TMEM108: variants seen among roughly 807,000 people sequenced by gnomAD.
TMEM108 encodes the protein cancer/testis antigen 124.
Under a neutral mutation model 35.1 loss-of-function variants are expected in TMEM108, and 12 were observed. That is an observed-to-expected ratio of 0.34 (90% CI 0.22 to 0.55). The LOEUF (loss-of-function observed/expected upper bound fraction) is 0.55. Ranked by LOEUF, TMEM108 falls within the 20% of genes least tolerant of loss-of-function variation. TMEM108 has a pLI of 0.89. For missense variants in TMEM108, 680 were observed against 753.3 expected, an observed-to-expected ratio of 0.90 and a Z score of 1.14; for synonymous variants, 287 against 308.6, an observed-to-expected ratio of 0.93 and a Z score of 0.73.
chr3:133,393,931 G>A (rs998026646), intron 5 of TMEM108, among the ~76,000 whole-genome samples: 6 of 152,234 alleles, frequency 3.9e-5, no homozygotes, highest in African/African-American at 1.4e-4. Flanking sequence ...CCAGCCAGTC[G>A]TGATCTTCAG....
chr3:133,324,907 C>T (rs563082259), intron 3 of TMEM108, among the ~76,000 whole-genome samples: 4 of 152,188 alleles, frequency 2.6e-5, no homozygotes, highest in African/African-American at 7.2e-5. Flanking sequence ...ACCTGGGAGA[C>T]GGAGGTTACA....
intron 3 of TMEM108, among the ~76,000 whole-genome samples, chr3:133,373,836 A>G (rs982049693): frequency 1.2e-4 from 19 of 152,232 alleles, no homozygotes; most frequent in African/African-American, 4.6e-4. Flanking sequence ...TAAAGCAGTA[A>G]CAATCATTTA....
chr3:133,379,901 G>A lies in TMEM108; in HGVS notation c.190G>A (p.Val64Met). 1 of 1,613,898 alleles carries A rather than the reference G, an allele frequency of 6.2e-7. No homozygotes were observed. Among genetic ancestry groups the A allele is most frequent in the Non-Finnish European group, 8.5e-7 (1 of 1,179,948 alleles). Residue 64 changes from valine to methionine, a missense_variant, in exon 4 of 6, where the codon GTG (valine) becomes ATG (methionine). Physicochemically the swap from Val to Met is conservative, Grantham distance 21 (BLOSUM62 1). Coordinates refer to ENST00000321871, the MANE Select transcript of TMEM108 (RefSeq NM_023943.4). ...CAGCTCTACCAGACATACTTCTGTG[G>A]TGATGCTGACCCCCAATCCCGATGG... ...PHSSTRHTSV[V>M]MLTPNPDGPP...
chr3:133,394,070 G>T (rs1164342427), intron 5 of TMEM108, among the ~76,000 whole-genome samples: 1 of 152,180 alleles, frequency 6.6e-6, no homozygotes, highest in African/African-American at 2.4e-5. Context: ...ATTACAATTT[G>T]TTCCAATTCT....
At chr3:133,356,844 A>C (rs2072187923) in intron 3 of TMEM108, among the ~76,000 whole-genome samples, 1 of 152,210 alleles carries the variant, frequency 6.6e-6, no homozygotes, top group African/African-American at 2.4e-5. Context: ...CTTAAATCTA[A>C]GACATGAAAC....
At chr3:133,389,182 C>T in intron 4 of TMEM108, 1 of 985,646 alleles carries the variant, frequency 1.0e-6, no homozygotes, top group Non-Finnish European at 1.2e-6. Flanking sequence ...CCTCAGAAGC[C>T]TTCCCTGCTC....
rs59305794 is a variant in TMEM108, at chr3:133,107,455, GGTGTGTGTGTGTGTGTGT to G, written c.-47+61460_-47+61477del. Among the ~76,000 whole-genome samples the G allele has an allele frequency of 4.9e-5, 7 of 143,502 alleles. No individual in the cohort carries two copies. The East Asian group carries it at 6.2e-4, about 13-fold the overall frequency. The allele number at this position is 143,502 out of a possible 152,430, so 94.1% of individuals were successfully genotyped here. On this transcript the variant is annotated intron_variant, in intron 2 of 5. Transcript: ENST00000321871. ...GTTACCACCAGGATGAAGTGTATGT[GGTGTGTGTGTGTGTGTGT>G]GTGTGTGTGTGTGTGTGTGTGTGTA... is the stretch of plus-strand genomic sequence containing the variant.
chr3:133,174,147 C>CTGAAGCTTGA (rs755023644), intron 2 of TMEM108, among the ~76,000 whole-genome samples: 1 of 152,236 alleles, frequency 6.6e-6, no homozygotes, highest in Non-Finnish European at 1.5e-5. Flanking sequence ...CCTGCCATTG[C>CTGAAGCTTGA]TGAAGCTTGA....
chr3:133,291,579 A>G (rs141327462), intron 3 of TMEM108, among the ~76,000 whole-genome samples: 3 of 138,378 alleles, frequency 2.2e-5, no homozygotes, highest in African/African-American at 7.4e-5. Context: ...CACCAGGCCT[A>G]CCAGTGAGTT....
intron 3 of TMEM108, among the ~76,000 whole-genome samples, chr3:133,348,498 C>T (rs748590382): frequency 9.2e-5 from 14 of 152,042 alleles, no homozygotes; most frequent in Non-Finnish European, 2.1e-4. Flanking sequence ...TAGAGTGAAG[C>T]GGAGTGGAGG....
chr3:133,369,533 A>C (rs2072596759), intron 3 of TMEM108, among the ~76,000 whole-genome samples: 1 of 152,216 alleles, frequency 6.6e-6, no homozygotes, highest in Non-Finnish European at 1.5e-5. Flanking sequence ...TGGAATTTGA[A>C]CAGGTTAAAA....
intron 2 of TMEM108, among the ~76,000 whole-genome samples, chr3:133,087,377 A>C (rs4854689): frequency 7.2e-5 from 11 of 152,128 alleles, no homozygotes; most frequent in Non-Finnish European, 1.5e-4. Flanking sequence ...CCCAGGCTTC[A>C]TGCCTTATAA....
intron 5 of TMEM108, among the ~76,000 whole-genome samples, 153 bp from the exon 6 acceptor site, chr3:133,395,711 G>C (rs1283353336): frequency 6.6e-6 from 1 of 151,934 alleles, no homozygotes; most frequent in African/African-American, 2.4e-5. Flanking sequence ...TGGCATAGAG[G>C]GCTGTGCACC....
rs1944232207 is a variant in TMEM108, at chr3:133,112,078, A to G, written c.-47+66058A>G. Among the ~76,000 whole-genome samples, 2 of 152,148 alleles carry G rather than the reference A, an allele frequency of 1.3e-5. 1 individual carries two copies. The highest frequency in any genetic ancestry group is 4.1e-4 in the South Asian group (2 of 4,828). ...GACAGTTTTTTTTTCTTTCCTAAAG[A>G]AAACAGTTCTTTTTCCATTGCGGGG... On this transcript the variant is annotated intron_variant, in intron 2 of 5. Coordinates refer to ENST00000321871, the MANE Select transcript of TMEM108 (RefSeq NM_023943.4).
intron 2 of TMEM108, among the ~76,000 whole-genome samples, chr3:133,194,890 TAC>T (rs1466912872): frequency 1.3e-5 from 2 of 152,190 alleles, no homozygotes; most frequent in South Asian, 2.1e-4. Flanking sequence ...CATAGTGAGA[TAC>T]AGTGTCTGCC....
chr3:133,048,781 T>C (rs1248664460), intron 2 of TMEM108, among the ~76,000 whole-genome samples: 1 of 152,228 alleles, frequency 6.6e-6, no homozygotes, highest in Non-Finnish European at 1.5e-5. Flanking sequence ...TAAGAATGTT[T>C]AAGAAGGATT....
intron 5 of TMEM108, among the ~76,000 whole-genome samples, chr3:133,391,025 T>C (rs554359988): frequency 6.6e-6 from 1 of 152,226 alleles, no homozygotes; most frequent in Non-Finnish European, 1.5e-5. Context: ...GAGGGTGGCG[T>C]AGAGGCCAGA....
In TMEM108 at chr3:133,097,064, ATGT is replaced by A. The variant is rs536456036; in HGVS notation, c.-47+51049_-47+51051del. ...ATGGTTAGATTGGCCATTCCAAATAATGTTGTTAAGTTCTGTAGAGGCCATGAC... is the reference window on the plus strand; with the variant it reads ...ATGGTTAGATTGGCCATTCCAAATAATGTTAAGTTCTGTAGAGGCCATGAC... On this transcript the variant is annotated intron_variant, in intron 2 of 5. Coordinates refer to ENST00000321871, the MANE Select transcript of TMEM108 (RefSeq NM_023943.4). Among the ~76,000 whole-genome samples the A allele has an allele frequency of 1.5e-4, 23 of 152,316 alleles. No individual in the cohort carries two copies. In the South Asian group the frequency reaches 4.8e-3, roughly 32 times the overall value.
At chr3:133,168,840 C>T (rs1945084534) in intron 2 of TMEM108, among the ~76,000 whole-genome samples, 2 of 152,150 alleles carry the variant, frequency 1.3e-5, no homozygotes, top group Non-Finnish European at 2.9e-5. Flanking sequence ...AGGTTTGCGG[C>T]TTCACTCCTG....
Sources: allele counts gnomAD v4.1 joint callset (sites outside exome capture counted in the v4.1 genomes callset), GRCh38; gene constraint gnomAD v4.1.1; transcripts MANE v1.5; gene names NCBI Gene and HGNC (gene_info 2026-07-23, HGNC 2026-07-21).